HSPA12A: variants seen among roughly 807,000 people sequenced by gnomAD.
The protein encoded by HSPA12A is heat shock protein family A (Hsp70) member 12A.
Under a neutral mutation model 69.2 loss-of-function variants are expected in HSPA12A, and 28 were observed. That is an observed-to-expected ratio of 0.40 (90% CI 0.30 to 0.55). The LOEUF is 0.55. Among genes scored for constraint, HSPA12A ranks in the 20% least tolerant of loss-of-function variants. HSPA12A has a pLI of 0.38. For missense variants in HSPA12A, 686 were observed against 900.7 expected, an observed-to-expected ratio of 0.76 and a Z score of 3.05; for synonymous variants, 345 against 370.5, an observed-to-expected ratio of 0.93 and a Z score of 0.79.
chr10:116,789,226 C>T (rs984217064), intron 2 of HSPA12A, among the ~76,000 whole-genome samples: 1 of 151,882 alleles, frequency 6.6e-6, no homozygotes, highest in African/African-American at 2.4e-5. Context: ...TATCACATCG[C>T]AAAATAAAAT....
chr10:116,778,725 T>A (rs116329257), intron 2 of HSPA12A, among the ~76,000 whole-genome samples: 2,130 of 152,052 alleles, frequency 0.014, 60 homozygotes, highest in African/African-American at 0.048. Context: ...GGCAACATGG[T>A]GAGACCAGCT....
At chr10:116,847,290 C>T (rs1845905806) in intron 1 of HSPA12A, among the ~76,000 whole-genome samples, 1 of 152,206 alleles carries the variant, frequency 6.6e-6, no homozygotes, top group Non-Finnish European at 1.5e-5. Context: ...TATTCTCTCT[C>T]ACTCATCAAT....
chr10:116,698,556 T>A (rs1564784620), intron 5 of HSPA12A, 79 bp downstream of exon 5: 1 of 1,119,330 alleles, frequency 8.9e-7, no homozygotes, highest in East Asian at 2.4e-5. Context: ...GGCCAGCAGG[T>A]GCAGCAGCCC....
At chr10:116,850,026 G>A (rs1363679713), upstream of HSPA12A, 1 of 568,638 alleles carries the variant, frequency 1.8e-6, no homozygotes, top group Non-Finnish European at 3.2e-6. Context: ...CGCTGCCTAA[G>A]AGGCCTCTCC....
At chr10:116,744,237 G>A (rs879993668), upstream of HSPA12A, among the ~76,000 whole-genome samples, 8 of 152,128 alleles carry the variant, frequency 5.3e-5, no homozygotes, top group Admixed American at 5.2e-4. Context: ...TTGATGCCTG[G>A]ATCACCCGTC....
chr10:116,696,005 A>AAAAAAAAAG (rs1849889955), intron 5 of HSPA12A, among the ~76,000 whole-genome samples: 1 of 143,942 alleles, frequency 6.9e-6, no homozygotes, highest in Non-Finnish European at 1.5e-5. Context: ...TCCATCTCAA[A>AAAAAAAAAG]AAAAAAAAAA....
At chr10:116,677,545 T>C (rs782186749) in intron 10 of HSPA12A, among the ~76,000 whole-genome samples, 1 of 152,160 alleles carries the variant, frequency 6.6e-6, no homozygotes, top group Non-Finnish European at 1.5e-5. Context: ...AGAGGACAGG[T>C]GCCCTCTGTG....
At chr10:116,780,008 G>C (rs1331365392) in intron 2 of HSPA12A, among the ~76,000 whole-genome samples, 1 of 152,146 alleles carries the variant, frequency 6.6e-6, no homozygotes, top group South Asian at 2.1e-4. Flanking sequence ...GGCCAGCCAC[G>C]AGTCAGAGAC....
intron 1 of HSPA12A, among the ~76,000 whole-genome samples, chr10:116,709,643 T>C (rs554829353): frequency 1.1e-3 from 170 of 152,128 alleles, no homozygotes; most frequent in Non-Finnish European, 1.3e-3. Flanking sequence ...ATCTCCAGAA[T>C]AGGCAAATTC....
At chr10:116,743,566 C>T (rs143200286), upstream of HSPA12A, among the ~76,000 whole-genome samples, 16 of 152,332 alleles carry the variant, frequency 1.1e-4, no homozygotes, top group Admixed American at 3.3e-4. Flanking sequence ...AGGTGAGTCG[C>T]GGAGCTGGGA....
At chr10:116,737,146 A>C (rs1851341957) in intron 1 of HSPA12A, among the ~76,000 whole-genome samples, 2 of 152,202 alleles carry the variant, frequency 1.3e-5, no homozygotes, top group Non-Finnish European at 2.9e-5. Flanking sequence ...GTAACTTGCC[A>C]GGGTCACAGA....
At position 116,683,166 on chromosome 10, in the gene HSPA12A, C is replaced by T. The variant is rs373440667; in HGVS notation, c.835+625G>A. ...GCGTGTCTGCAAACCCTATAGCCCT[C>T]GACACACCCACAGAGCCCTGGATAC... On this transcript the variant is annotated intron_variant, in intron 7 of 11. Transcript: ENST00000369209. Among the ~76,000 whole-genome samples the T allele has an allele frequency of 2.0e-5, 3 of 152,108 alleles. No individual in the cohort carries two copies. The South Asian group carries it at 6.2e-4, about 32-fold the overall frequency.
intron 1 of HSPA12A, among the ~76,000 whole-genome samples, chr10:116,722,557 T>C (rs1850814194): frequency 6.6e-6 from 1 of 152,042 alleles, no homozygotes; most frequent in Admixed American, 6.6e-5. Flanking sequence ...ACCCAGAAGT[T>C]CATCAGTGGG....
intron 2 of HSPA12A, among the ~76,000 whole-genome samples, chr10:116,798,630 C>T (rs1564823365): frequency 6.6e-6 from 1 of 152,028 alleles, no homozygotes. Context: ...AGGCCCTGAC[C>T]CACCTCTGCA....
rs60912684 is a variant in HSPA12A, at chr10:116,811,579, TAA to T, written c.91+23354_91+23355del. On this transcript the variant is annotated intron_variant, in intron 2 of 12. Coordinates refer to the HSPA12A transcript ENST00000635765. ...AACTTGGATTCCTCTTTGCTTTTGT[TAA>T]AAAAAAAAAAAAAAAAAAAAAAAAG... Among the ~76,000 whole-genome samples the T allele has an allele frequency of 3.8e-3, 400 of 105,916 alleles. 2 individuals are homozygous for T. Among genetic ancestry groups the T allele is most frequent in the East Asian group, 0.011 (36 of 3,248 alleles). 69.5% of individuals were successfully genotyped at this position (105,916 alleles called of 152,430 possible).
Position 116,698,748 on chromosome 10 carries a change from A to C in HSPA12A, c.442-9T>G. 2 of 1,602,460 alleles carry C rather than the reference A, an allele frequency of 1.2e-6. No homozygotes were observed. The highest frequency in any genetic ancestry group is 1.7e-6 in the Non-Finnish European group (2 of 1,169,682). On this transcript the variant is annotated splice_polypyrimidine_tract_variant and intron_variant, in intron 4 of 11. Transcript: ENST00000369209. The stretch of plus-strand genomic sequence containing the variant: ...GTATCCATGGTGAGGTCCTGGTAGG[A>C]GGAAGAGGAACAATAGTAAGAAGAT...
intron 2 of HSPA12A, among the ~76,000 whole-genome samples, chr10:116,811,579 T>TAAA (rs60912684): frequency 2.0e-4 from 21 of 105,932 alleles, no homozygotes; most frequent in Admixed American, 4.0e-4. Context: ...TTGCTTTTGT[T>TAAA]AAAAAAAAAA....
At chr10:116,733,525 C>T (rs1020746583) in intron 1 of HSPA12A, among the ~76,000 whole-genome samples, 4 of 152,174 alleles carry the variant, frequency 2.6e-5, no homozygotes, top group East Asian at 1.9e-4. Flanking sequence ...AGGGCACTGG[C>T]GTAATCCATT....
chr10:116,747,082 C>T (rs148880888), upstream of HSPA12A, among the ~76,000 whole-genome samples: 346 of 152,322 alleles, frequency 2.3e-3, no homozygotes, highest in Admixed American at 4.2e-3. Context: ...TTTAAAAAGC[C>T]AGCCTTACAG....
Sources: gnomAD v4.1 joint callset for allele counts (sites outside exome capture counted in the v4.1 genomes callset) on GRCh38, gnomAD v4.1.1 for gene constraint, MANE v1.5 for transcripts, NCBI Gene and HGNC (gene_info 2026-07-23, HGNC 2026-07-21) for gene names.